IL2RA: variants seen among roughly 807,000 people sequenced by gnomAD.
The protein encoded by IL2RA is interleukin-2 receptor subunit alpha.
In IL2RA, 24 loss-of-function variants were observed where a neutral mutation model predicts 37.8. The observed-to-expected ratio is 0.63, with a 90% CI of 0.46 to 0.89. IL2RA has a LOEUF of 0.89. Ranked by LOEUF, IL2RA falls within the 40% of genes least tolerant of loss-of-function variation. IL2RA has a pLI of 0.00. For missense variants in IL2RA, 319 were observed against 348.6 expected (o/e 0.92, Z 0.68); for synonymous variants, 125 against 114.6 (o/e 1.09, Z -0.58).
intron 1 of IL2RA, among the ~76,000 whole-genome samples, chr10:6,027,202 T>C (rs1013349540): frequency 6.6e-6 from 1 of 152,114 alleles, no homozygotes; most frequent in African/African-American, 2.4e-5. Context: ...GGCATGTGCC[T>C]GTGGTCCCAG....
Position 6,025,718 on chromosome 10 carries a change from C to T in IL2RA, c.256+116G>A. 1 of 980,210 alleles carries T rather than the reference C, an allele frequency of 1.0e-6. No individual in the cohort carries two copies. Among genetic ancestry groups the T allele is most frequent in the Non-Finnish European group, 1.6e-6 (1 of 619,950 alleles). The allele number at this position is 980,210 out of a possible 1,614,324, so 60.7% of individuals were successfully genotyped here. A position where few individuals can be genotyped will look rare whatever the true frequency, so the allele number is the denominator to read the frequency against. On this transcript the variant is annotated intron_variant, in intron 2 of 7. Coordinates refer to ENST00000379959, the MANE Select transcript of IL2RA (RefSeq NM_000417.3). This position sits in a 1 kb window ranked among gnomAD's most constrained non-coding sequence, Gnocchi z 4.4. ...TTCAGGAACCACTAAAATTAGTTAT[C>T]CTGTAGACTGGACTGGCCCATTTGT...
At position 6,024,338 on chromosome 10, in the gene IL2RA, C is replaced by T. The variant is rs41290331; in HGVS notation, c.273G>A (p.Thr91=). 9 of 1,612,990 alleles carry T rather than the reference C, an allele frequency of 5.6e-6. No individual in the cohort carries two copies. The highest frequency in any genetic ancestry group is 3.3e-5 in the South Asian group (3 of 91,062). ...QCTSSATRNT[T]KQVTPQPEEQ... is the part of the protein sequence containing the mutation. Reference sequence around the variant, plus strand: ...CTTCAGGTTGAGGTGTCACTTGTTTCGTTGTGTTCCGAGTGGCTAGAAAAT... The same window carrying T: ...CTTCAGGTTGAGGTGTCACTTGTTTTGTTGTGTTCCGAGTGGCTAGAAAAT... Residue 91 remains threonine (T), a synonymous_variant, in exon 3 of 8, where the codon ACG becomes ACA. Transcript: ENST00000379959.
At chr10:6,013,639 C>G (rs890468584) in intron 7 of IL2RA, among the ~76,000 whole-genome samples, 9 of 152,282 alleles carry the variant, frequency 5.9e-5, no homozygotes, top group African/African-American at 2.2e-4. Flanking sequence ...CATCACTGAT[C>G]ACGCGGTTGG....
At position 6,036,626 on chromosome 10, in the gene IL2RA, A is replaced by G. The variant is rs1839687478; in HGVS notation, c.65-10601T>C. ...AGCCCTCTTTCTTCGATTTTGCCAC[A>G]TACCCGCAGCTGCACTCCCATAATC... On this transcript the variant is annotated intron_variant, in intron 1 of 7. Coordinates refer to ENST00000379959, the MANE Select transcript of IL2RA (RefSeq NM_000417.3). This position sits in a 1 kb window ranked among gnomAD's most constrained non-coding sequence, Gnocchi z 6.1. Among the ~76,000 whole-genome samples, 1 of 152,172 alleles carries G rather than the reference A, an allele frequency of 6.6e-6. No homozygotes were observed. The highest frequency in any genetic ancestry group is 2.1e-4 in the South Asian group (1 of 4,822).
At chr10:6,031,006 A>G (rs1839566188) in intron 1 of IL2RA, among the ~76,000 whole-genome samples, 1 of 152,118 alleles carries the variant, frequency 6.6e-6, no homozygotes, top group South Asian at 2.1e-4. Context: ...AGAATATTAA[A>G]TTTGTTTGGT....
intron 1 of IL2RA, among the ~76,000 whole-genome samples, chr10:6,042,148 C>CAAAAAAAAAAAA (rs57093239): frequency 0.099 from 5,326 of 53,840 alleles, 1,613 homozygotes; most frequent in Middle Eastern, 0.12. Flanking sequence ...ATGTATTAAG[C>CAAAAAAAAAAAA]AAAAAAAAAA....
At position 6,021,353 on chromosome 10, in the gene IL2RA, G is replaced by T; in HGVS notation, c.583+125C>A. The T allele has an allele frequency of 2.4e-6, 2 of 837,690 alleles. No individual in the cohort carries two copies. The highest frequency in any genetic ancestry group is 4.1e-6 in the Non-Finnish European group (2 of 493,070). 51.9% of individuals were successfully genotyped at this position (837,690 alleles called of 1,614,324 possible). ...TTTCTCAGAATGAGAAAAAATGGAA[G>T]CCCAGGGAGATCAAGGGTCTTGTCC... On this transcript the variant is annotated intron_variant, in intron 4 of 7. Coordinates refer to ENST00000379959, the MANE Select transcript of IL2RA (RefSeq NM_000417.3). The surrounding 1 kb of genome is among the most constrained non-coding windows in gnomAD (Gnocchi z 4.9).
intron 2 of IL2RA, among the ~76,000 whole-genome samples, chr10:6,024,655 A>G (rs1046210866): frequency 6.6e-6 from 1 of 151,438 alleles, no homozygotes; most frequent in Non-Finnish European, 1.5e-5. Flanking sequence ...TGTGTATGTC[A>G]TGTATGTTAT....
chr10:6,039,161 C>T (rs1839733154), intron 1 of IL2RA, among the ~76,000 whole-genome samples: 1 of 152,134 alleles, frequency 6.6e-6, no homozygotes, highest in African/African-American at 2.4e-5. Context: ...GTTATATTAA[C>T]ATCAGACTTC....
chr10:6,039,869 T>C (rs1214167398), intron 1 of IL2RA: 1 of 152,276 alleles, frequency 6.6e-6, no homozygotes, highest in Non-Finnish European at 1.5e-5. Flanking sequence ...TACCCCTTGC[T>C]GGGAATCCTG....
In IL2RA at chr10:6,028,313, A is replaced by T. The variant is rs12722558; in HGVS notation, c.65-2288T>A. Among the ~76,000 whole-genome samples the T allele has an allele frequency of 0.074, 11,246 of 152,270 alleles. 578 individuals carry two copies. Among genetic ancestry groups the T allele is most frequent in the Non-Finnish European group, 0.11 (7,700 of 68,010 alleles). On this transcript the variant is annotated intron_variant, in intron 1 of 7. Coordinates refer to ENST00000379959, the MANE Select transcript of IL2RA (RefSeq NM_000417.3). The surrounding 1 kb of genome is among the most constrained non-coding windows in gnomAD (Gnocchi z 4.1). Reference sequence around the variant, plus strand: ...GCTGGTCTGAACCTGAACAGGGCAGAACTCAGTGAAACTTAGCCCTGATTG... The same window carrying T: ...GCTGGTCTGAACCTGAACAGGGCAGTACTCAGTGAAACTTAGCCCTGATTG...
intron 1 of IL2RA, among the ~76,000 whole-genome samples, chr10:6,031,006 ATT>A (rs1016736993): frequency 4.7e-4 from 72 of 152,118 alleles, no homozygotes; most frequent in African/African-American, 1.7e-3. Flanking sequence ...AGAATATTAA[ATT>A]TGTTTGGTTA....
Position 6,058,371 on chromosome 10 carries a change from C to T in IL2RA, c.64+3717G>A, listed in dbSNP as rs555524793. Among the ~76,000 whole-genome samples, 74 of 152,104 alleles carry T rather than the reference C, an allele frequency of 4.9e-4. No individual in the cohort carries two copies. Among genetic ancestry groups the T allele is most frequent in the Non-Finnish European group, 7.6e-4 (52 of 68,024 alleles). On this transcript the variant is annotated intron_variant, in intron 1 of 7. Transcript: ENST00000379959. This position sits in a 1 kb window ranked among gnomAD's most constrained non-coding sequence, Gnocchi z 4.2. ...TCACATCTAAAATGAAGTATATGCA[C>T]AGGTGATTTATCAAACTGCCTATTT...
At chr10:6,023,857 G>A (rs1589294441) in intron 3 of IL2RA, among the ~76,000 whole-genome samples, 1 of 152,348 alleles carries the variant, frequency 6.6e-6, no homozygotes, top group East Asian at 1.9e-4. Context: ...TTGTGCTTAA[G>A]GGGAAGACGC....
chr10:6,050,460 C>G (rs933598835), intron 1 of IL2RA, among the ~76,000 whole-genome samples: 58 of 152,112 alleles, frequency 3.8e-4, no homozygotes, highest in African/African-American at 1.4e-3. Context: ...AACATGGTCT[C>G]TACTAACCTG....
At chr10:6,045,029 G>A (rs1408871161) in intron 1 of IL2RA, among the ~76,000 whole-genome samples, 1 of 152,240 alleles carries the variant, frequency 6.6e-6, no homozygotes, top group African/African-American at 2.4e-5. Context: ...GGAAGTTGCT[G>A]TCATCAAAGA....
rs1271964106 is a variant in IL2RA, at chr10:6,048,361, A to G, written c.64+13727T>C. ...AGGATGGGGTGCCATTCATTGAGAT[A>G]GCAAAGAGAGGAGAAAGAGTAGGTT... On this transcript the variant is annotated intron_variant, in intron 1 of 7. Coordinates refer to ENST00000379959, the MANE Select transcript of IL2RA (RefSeq NM_000417.3). The surrounding 1 kb of genome is among the most constrained non-coding windows in gnomAD (Gnocchi z 5.3). Among the ~76,000 whole-genome samples, 1 of 152,198 alleles carries G rather than the reference A, an allele frequency of 6.6e-6. No individual in the cohort carries two copies. The highest frequency in any genetic ancestry group is 1.5e-5 in the Non-Finnish European group (1 of 68,032).
chr10:6,023,550 G>T (rs931582265), intron 3 of IL2RA, among the ~76,000 whole-genome samples: 2 of 152,190 alleles, frequency 1.3e-5, no homozygotes, highest in African/African-American at 4.8e-5. Flanking sequence ...TGGCCAGGCT[G>T]GTCTCGAACT....
chr10:6,041,239 C>T (rs964218789), intron 1 of IL2RA, among the ~76,000 whole-genome samples: 2 of 151,856 alleles, frequency 1.3e-5, no homozygotes, highest in Non-Finnish European at 2.9e-5. Context: ...CTCAGTCTCC[C>T]GAGTAGCTGG....
Sources: gnomAD v4.1 joint callset for allele counts (sites outside exome capture counted in the v4.1 genomes callset) on GRCh38, gnomAD v4.1.1 for gene constraint, Gnocchi (gnomAD v3.1) non-coding constraint, MANE v1.5 for transcripts, NCBI Gene and HGNC (gene_info 2026-07-23, HGNC 2026-07-21) for gene names.